The following PDXDC1 variants were observed in gnomAD, a reference collection of about 807,000 sequenced individuals.
The protein encoded by PDXDC1 is pyridoxal dependent decarboxylase domain containing 1.
PDXDC1 carries 42 observed loss-of-function variants against 100.1 expected under a neutral mutation model. The observed-to-expected ratio is 0.42, with a 90% CI of 0.33 to 0.54. The LOEUF (loss-of-function observed/expected upper bound fraction) is 0.54, where lower values mean the gene tolerates loss of function less well. PDXDC1 is among the 20% of genes least tolerant of loss of function. The pLI is 0.10. For synonymous variants in PDXDC1, 260 were observed against 371.7 expected (o/e 0.70, Z 3.46); for missense variants, 636 against 979.2 (o/e 0.65, Z 4.68).
intron 16 of PDXDC1, chr16:15,130,730 C>T (rs1174201529): frequency 6.8e-7 from 1 of 1,470,750 alleles, no homozygotes. Flanking sequence ...GCTCATTGGG[C>T]CGGGGCTCCG....
chr16:15,114,629 CAGAA>C, intron 16 of PDXDC1: 1 of 958,614 alleles, frequency 1.0e-6, no homozygotes, highest in Admixed American at 2.2e-5. Context: ...ATATTTCACT[CAGAA>C]AGAATCATCC....
intron 13 of PDXDC1, chr16:15,026,325 C>T (rs1252287541): frequency 9.6e-6 from 4 of 415,206 alleles, no homozygotes; most frequent in Non-Finnish European, 1.2e-5. Flanking sequence ...TCTAGTTTCA[C>T]TGCTTCTTAC....
chr16:15,070,531 C>T (rs1567194713), intron 16 of PDXDC1, among the ~76,000 whole-genome samples: 1 of 152,060 alleles, frequency 6.6e-6, no homozygotes, highest in Non-Finnish European at 1.5e-5. Context: ...GTTCTCCTAA[C>T]CATCTCAAAG....
intron 20 of PDXDC1, 38 bp downstream of exon 20, chr16:15,034,416 C>G: frequency 6.2e-7 from 1 of 1,613,372 alleles, no homozygotes; most frequent in Non-Finnish European, 8.5e-7. Flanking sequence ...GGGGAGCCGC[C>G]GTGAGGCCAG....
chr16:15,109,793 G>A (rs2046963521), intron 16 of PDXDC1, among the ~76,000 whole-genome samples: 1 of 140,622 alleles, frequency 7.1e-6, no homozygotes, highest in Admixed American at 7.2e-5. Context: ...AGGTTGCAGT[G>A]AGCCAAGATT....
At chr16:15,112,050 C>G (rs1231567392) in intron 16 of PDXDC1, among the ~76,000 whole-genome samples, 1 of 147,152 alleles carries the variant, frequency 6.8e-6, no homozygotes, top group Admixed American at 6.8e-5. Context: ...CTGGTTTGAA[C>G]TTTACGCAAA....
intron 16 of PDXDC1, chr16:15,085,660 C>A (rs1354547008): frequency 1.9e-6 from 3 of 1,613,484 alleles, no homozygotes; most frequent in Non-Finnish European, 1.7e-6. Flanking sequence ...TCATCAGAAT[C>A]TGAAACATCT....
chr16:15,059,679 T>C lies in PDXDC1; in HGVS notation c.1399+29623T>C, dbSNP rs558163508. Among the ~76,000 whole-genome samples, 8 of 152,204 alleles carry C rather than the reference T, an allele frequency of 5.3e-5. No individual in the cohort carries two copies. The East Asian group carries it at 7.7e-4, about 15-fold the overall frequency. Reference sequence around the variant, plus strand: ...ACTCCTACAACTGACAGCTTTTTAGTGAAAGGAAAAATTCCCATTGTTGGC... The same window carrying C: ...ACTCCTACAACTGACAGCTTTTTAGCGAAAGGAAAAATTCCCATTGTTGGC... On this transcript the variant is annotated intron_variant, in intron 16 of 16. Transcript: ENST00000535621.
chr16:15,011,226 A>G (rs2041231515), intron 8 of PDXDC1, among the ~76,000 whole-genome samples: 1 of 152,424 alleles, frequency 6.6e-6, no homozygotes, highest in South Asian at 2.1e-4. Flanking sequence ...CAAAGAAAAT[A>G]GAGAATTCAG....
At position 14,979,419 on chromosome 16, in the gene PDXDC1, A is replaced by G. The variant is rs534659958; in HGVS notation, c.21+4199A>G. ...ATTCTCCTGCCTCAGCCTCTCAAGT[A>G]GCTGGGATTACAGGCACCCACCACC... On this transcript the variant is annotated intron_variant, in intron 1 of 22. Transcript: ENST00000396410. Among the ~76,000 whole-genome samples the G allele has an allele frequency of 2.6e-5, 4 of 152,396 alleles. No homozygotes were observed. In the South Asian group the frequency reaches 8.3e-4, roughly 32 times the overall value.
At chr16:15,065,230 A>C (rs1254220538) in intron 16 of PDXDC1, 1 of 1,613,006 alleles carries the variant, frequency 6.2e-7, no homozygotes, top group Non-Finnish European at 8.5e-7. Flanking sequence ...TCTTCAGCAC[A>C]CAGGGATCAA....
At chr16:15,142,382 G>T (rs2048488897), downstream of PDXDC1, among the ~76,000 whole-genome samples, 1 of 152,108 alleles carries the variant, frequency 6.6e-6, no homozygotes, top group Non-Finnish European at 1.5e-5. Context: ...CCTTCTCCCG[G>T]CCCTCACCCC....
At chr16:15,126,651 T>A (rs1367736152) in intron 16 of PDXDC1, 1 of 139,252 alleles carries the variant, frequency 7.2e-6, no homozygotes, top group Non-Finnish European at 1.6e-5. Flanking sequence ...CTTTTCTTTG[T>A]GGGATTTTTT....
rs777858095 is a variant in PDXDC1, at chr16:15,076,575, C to T, written c.1399+46519C>T. On this transcript the variant is annotated intron_variant, in intron 16 of 16. Transcript: ENST00000535621. Reference sequence around the variant, plus strand: ...CTGCTAACCATATTAAACAATCCTTCCGTGGAATCTGTCCCACCACAAGTT... The same window carrying T: ...CTGCTAACCATATTAAACAATCCTTTCGTGGAATCTGTCCCACCACAAGTT... 3.7e-6 allele frequency: 6 copies of T among 1,611,232 alleles called. No individual in the cohort carries two copies. In the Admixed American group the frequency reaches 1.0e-4, roughly 27 times the overall value.
chr16:15,042,782 G>A (rs1387577614), downstream of PDXDC1, among the ~76,000 whole-genome samples: 1 of 150,990 alleles, frequency 6.6e-6, no homozygotes, highest in Non-Finnish European at 1.5e-5. Flanking sequence ...ACCCAGGCTG[G>A]AGTGCAGTGG....
downstream of PDXDC1, chr16:15,038,720 G>T (rs1478028711): frequency 8.1e-7 from 1 of 1,227,356 alleles, no homozygotes; most frequent in Non-Finnish European, 1.2e-6. Flanking sequence ...TAGAATTTCA[G>T]GAATGTCACC....
intron 1 of PDXDC1, among the ~76,000 whole-genome samples, chr16:14,990,669 ACT>A (rs1163887605): frequency 1.3e-5 from 2 of 152,264 alleles, no homozygotes; most frequent in Non-Finnish European, 2.9e-5. Flanking sequence ...CCCAAACTTA[ACT>A]ATCAGTGCTG....
intron 16 of PDXDC1, among the ~76,000 whole-genome samples, chr16:15,100,576 A>G (rs1422729100): frequency 6.6e-6 from 1 of 152,194 alleles, no homozygotes; most frequent in Admixed American, 6.5e-5. Context: ...GCCTCTACCC[A>G]GTAGATGACA....
chr16:15,033,519 T>C, intron 19 of PDXDC1, 120 bp downstream of exon 19: 2 of 1,183,570 alleles, frequency 1.7e-6, no homozygotes, highest in African/African-American at 1.5e-5. Flanking sequence ...AGTCTGTCAA[T>C]GTTTCCTGTA....
Sources: allele counts gnomAD v4.1 joint callset (sites outside exome capture counted in the v4.1 genomes callset), GRCh38; gene constraint gnomAD v4.1.1; transcripts MANE v1.5; gene names NCBI Gene and HGNC (gene_info 2026-07-23, HGNC 2026-07-21).